OXNAD1: variants seen among roughly 807,000 people sequenced by gnomAD.
The protein encoded by OXNAD1 is oxidoreductase NAD binding domain containing 1, also known as oxidoreductase NAD-binding domain-containing protein 1.
In OXNAD1, 34 loss-of-function variants were observed where a neutral mutation model predicts 32.9. The ratio of observed to expected loss-of-function variants is 1.03; its 90% CI spans 0.79 to 1.38. The LOEUF (loss-of-function observed/expected upper bound fraction) is 1.38. Among genes scored for constraint, OXNAD1 ranks in the 40% most tolerant of loss-of-function variants. The pLI, the probability that OXNAD1 is intolerant of heterozygous loss-of-function variation, is 0.00. For synonymous variants in OXNAD1, 134 were observed against 135.2 expected, an observed-to-expected ratio of 0.99 and a Z score of 0.06; for missense variants, 407 against 379.4, an observed-to-expected ratio of 1.07 and a Z score of -0.60.
chr3:16,312,338 C>A lies in OXNAD1; in HGVS notation c.*30+8746C>A, dbSNP rs2068034176. Among the ~76,000 whole-genome samples the A allele has an allele frequency of 6.6e-6, 1 of 152,182 alleles. No homozygotes were observed. The highest frequency in any genetic ancestry group is 1.5e-5 in the Non-Finnish European group (1 of 68,040). On this transcript the variant is annotated intron_variant, in intron 9 of 9. Coordinates refer to the OXNAD1 transcript ENST00000435829. This position sits in a 1 kb window ranked among gnomAD's most constrained non-coding sequence, Gnocchi z 4.7. ...TTGGCGGGTCATAGTGCAGGCAGAG[C>A]ACTAATCACCAGGGGCCCACCCTGC... is the stretch of plus-strand genomic sequence containing the variant.
rs2066880049 is a variant in OXNAD1 at position 16,297,475 on chromosome 3, A to G, written c.432+2478A>G. On this transcript the variant is annotated intron_variant, in intron 6 of 8. Coordinates refer to ENST00000285083, the MANE Select transcript of OXNAD1 (RefSeq NM_138381.5). The surrounding 1 kb of genome is among the most constrained non-coding windows in gnomAD (Gnocchi z 4.3). ...ATAAAGTTAAACATACACCTAACAT[A>G]TGACCCAGCAATACCACTTCTGAGT... 6.6e-6 allele frequency among the ~76,000 whole-genome samples: 1 copy of G among 152,236 alleles called. No individual in the cohort carries two copies. Among genetic ancestry groups the G allele is most frequent in the African/African-American group, 2.4e-5 (1 of 41,472 alleles).
intron 5 of OXNAD1, among the ~76,000 whole-genome samples, chr3:16,292,822 A>G (rs1292549451): frequency 6.6e-6 from 1 of 152,214 alleles, no homozygotes; most frequent in Non-Finnish European, 1.5e-5. Flanking sequence ...GTCTAAAATC[A>G]ATTCACCATG....
chr3:16,268,001 A>AT (rs1299892729), intron 1 of OXNAD1, among the ~76,000 whole-genome samples: 1 of 152,150 alleles, frequency 6.6e-6, no homozygotes, highest in Non-Finnish European at 1.5e-5. Context: ...GTTAATTAAG[A>AT]TTTTTTGGTA....
rs2125160102 is a variant in OXNAD1, at chr3:16,317,873, C to T, written c.*30+14281C>T. On this transcript the variant is annotated intron_variant, in intron 9 of 9. Transcript: ENST00000435829. The surrounding 1 kb of genome is among the most constrained non-coding windows in gnomAD (Gnocchi z 4.3). ...GGATACAACAACCCATTTCCTGATC[C>T]CAATTTGGGATAACGCAAATGCCAT... Among the ~76,000 whole-genome samples the T allele has an allele frequency of 6.6e-6, 1 of 152,290 alleles. No homozygotes were observed. The highest frequency in any genetic ancestry group is 2.4e-5 in the African/African-American group (1 of 41,554).
At position 16,314,496 on chromosome 3, in the gene OXNAD1, C is replaced by G. The variant is rs1020186538; in HGVS notation, c.*30+10904C>G. On this transcript the variant is annotated intron_variant, in intron 9 of 9. Transcript: ENST00000435829. The surrounding 1 kb of genome is among the most constrained non-coding windows in gnomAD (Gnocchi z 4.4). The stretch of plus-strand genomic sequence containing the variant: ...CGCCACTCCCCAGATCATTCATTCA[C>G]AAGCTCTGCAGGCGAGCCCCGGCAT... The G allele has an allele frequency of 6.6e-6, 1 of 152,156 alleles. No homozygotes were observed. The highest frequency in any genetic ancestry group is 2.4e-5 in the African/African-American group (1 of 41,430). The allele number at this position is 152,156 out of a possible 1,614,324, so 9.4% of individuals were successfully genotyped here. A position where few individuals can be genotyped will look rare whatever the true frequency, so the allele number is the denominator to read the frequency against.
Position 16,275,035 on chromosome 3 carries a change from T to G in OXNAD1, c.183+3313T>G, listed in dbSNP as rs114622041. On this transcript the variant is annotated intron_variant, in intron 4 of 8. Transcript: ENST00000285083. ...CTGGAGAAAGCTTATAAAACAGTCA[T>G]AGCTTTAAAGCCTTTTTACTCTGTA... The G allele has an allele frequency of 4.5e-3, 696 of 153,020 alleles. 2 individuals are homozygous for G. The highest frequency in any genetic ancestry group is 0.018 in the South Asian group (86 of 4,850). The allele number at this position is 153,020 out of a possible 1,614,324, so 9.5% of individuals were successfully genotyped here.
At position 16,298,245 on chromosome 3, in the gene OXNAD1, G is replaced by C. The variant is rs2066936129; in HGVS notation, c.432+3248G>C. Among the ~76,000 whole-genome samples, 1 of 152,066 alleles carries C rather than the reference G, an allele frequency of 6.6e-6. No individual in the cohort carries two copies. The highest frequency in any genetic ancestry group is 6.6e-5 in the Admixed American group (1 of 15,264). The stretch of plus-strand genomic sequence containing the variant: ...TAGAGGTGCTAAAATATGCTGCTGG[G>C]GTGAGAGCAACGAGGTATCTGCATG... On this transcript the variant is annotated intron_variant, in intron 6 of 8. Transcript: ENST00000285083. The surrounding 1 kb of genome is among the most constrained non-coding windows in gnomAD (Gnocchi z 5.1).
intron 4 of OXNAD1, among the ~76,000 whole-genome samples, chr3:16,278,498 G>A (rs1364076888): frequency 9.9e-5 from 15 of 152,186 alleles, no homozygotes; most frequent in Non-Finnish European, 8.8e-5. Flanking sequence ...TTCCTCATTT[G>A]CCTGAAATAG....
chr3:16,310,847 G>A (rs192117377), downstream of OXNAD1, among the ~76,000 whole-genome samples: 19 of 152,042 alleles, frequency 1.2e-4, no homozygotes, highest in African/African-American at 4.3e-4. Flanking sequence ...AAAATTAGCC[G>A]GGCGTGGTGG....
rs1255088272 is a variant in OXNAD1 at position 16,345,948 on chromosome 3, C to T, written c.*31-3228C>T. The T allele has an allele frequency of 1.3e-5, 2 of 151,958 alleles. No homozygotes were observed. Among genetic ancestry groups the T allele is most frequent in the Admixed American group, 6.6e-5 (1 of 15,248 alleles). 9.4% of individuals were successfully genotyped at this position (151,958 alleles called of 1,614,324 possible). A position where few individuals can be genotyped will look rare whatever the true frequency, so the allele number is the denominator to read the frequency against. On this transcript the variant is annotated intron_variant, in intron 9 of 9. Transcript: ENST00000606098. The surrounding 1 kb of genome is among the most constrained non-coding windows in gnomAD (Gnocchi z 5.2). Reference sequence around the variant, plus strand: ...GTGGCATACACTGAATATTTTAAACCGCATTTGTCACAGGATTTTGAAAAC... The same window carrying T: ...GTGGCATACACTGAATATTTTAAACTGCATTTGTCACAGGATTTTGAAAAC...
At chr3:16,343,615 A>C (rs926222429) in intron 9 of OXNAD1, among the ~76,000 whole-genome samples, 1 of 152,266 alleles carries the variant, frequency 6.6e-6, no homozygotes, top group African/African-American at 2.4e-5. Flanking sequence ...TGAAGAAAAC[A>C]GGGAGAAGTC....
downstream of OXNAD1, among the ~76,000 whole-genome samples, chr3:16,307,908 TTGTTC>T (rs962271304): frequency 2.0e-5 from 3 of 146,680 alleles, no homozygotes; most frequent in Admixed American, 6.8e-5. Flanking sequence ...AAAGCACAGT[TTGTTC>T]TGTTTTTTTA....
chr3:16,286,513 A>G (rs1279206022), intron 5 of OXNAD1, 65 bp downstream of exon 5: 20 of 1,343,976 alleles, frequency 1.5e-5, no homozygotes, highest in Non-Finnish European at 2.1e-5. Flanking sequence ...AGAAGGTATT[A>G]TTTTTTCTCC....
rs955893786 is a variant in OXNAD1 at position 16,334,170 on chromosome 3, A to G, written c.*31-2942A>G. On this transcript the variant is annotated intron_variant, in intron 9 of 9. Coordinates refer to the OXNAD1 transcript ENST00000435829. The surrounding 1 kb of genome is among the most constrained non-coding windows in gnomAD (Gnocchi z 4.3). ...ACAGAGCAAGACTCTGTCTCAAAACAAAAACAAAAACAAAAAACAACAACA... is the reference window on the plus strand; with the variant it reads ...ACAGAGCAAGACTCTGTCTCAAAACGAAAACAAAAACAAAAAACAACAACA... Among the ~76,000 whole-genome samples the G allele has an allele frequency of 6.6e-6, 1 of 152,160 alleles. No individual in the cohort carries two copies. The highest frequency in any genetic ancestry group is 1.9e-4 in the East Asian group (1 of 5,198).
intron 9 of OXNAD1, among the ~76,000 whole-genome samples, chr3:16,313,233 A>G (rs1425433925): frequency 1.1e-5 from 1 of 88,208 alleles, no homozygotes; most frequent in Non-Finnish European, 2.2e-5. Context: ...TGCAGAGGCA[A>G]GTTCTTGCTA....
rs2070903406 is a variant in OXNAD1 at position 16,336,870 on chromosome 3, GTTA to G, written c.*31-235_*31-233del. 6.6e-6 allele frequency among the ~76,000 whole-genome samples: 1 copy of G among 152,090 alleles called. No homozygotes were observed. Among genetic ancestry groups the G allele is most frequent in the Non-Finnish European group, 1.5e-5 (1 of 68,030 alleles). On this transcript the variant is annotated intron_variant, in intron 9 of 9. Transcript: ENST00000435829. The surrounding 1 kb of genome is among the most constrained non-coding windows in gnomAD (Gnocchi z 6.0). ...CTCAACGAAATAAAAAATAATAATT[GTTA>G]TTATTACATGAAACATATTGTTTGG...
intron 9 of OXNAD1, among the ~76,000 whole-genome samples, chr3:16,331,966 CTAT>C (rs1305785582): frequency 6.6e-6 from 1 of 152,204 alleles, no homozygotes; most frequent in Non-Finnish European, 1.5e-5. Context: ...GTCAGCAATG[CTAT>C]TGAGATAATC....
In OXNAD1 at chr3:16,288,359, T is replaced by C. The variant is rs1020309979; in HGVS notation, c.290+1911T>C. ...AAGGAGAGGGTTGCTGTTGGGCTTA[T>C]CTTTGGGGTAAGAGATTGGGCCGTG... On this transcript the variant is annotated intron_variant, in intron 5 of 8. Coordinates refer to ENST00000285083, the MANE Select transcript of OXNAD1 (RefSeq NM_138381.5). The surrounding 1 kb of genome is among the most constrained non-coding windows in gnomAD (Gnocchi z 5.1). 6.6e-6 allele frequency among the ~76,000 whole-genome samples: 1 copy of C among 152,172 alleles called. No individual in the cohort carries two copies. Among genetic ancestry groups the C allele is most frequent in the Non-Finnish European group, 1.5e-5 (1 of 68,040 alleles).
Position 16,280,133 on chromosome 3 carries a change from A to G in OXNAD1, c.184-6209A>G, listed in dbSNP as rs1038478918. ...GTATGTAAAGTGCCTGACATATGGT[A>G]AGGATGTCTATAAGTGTTTGCTGCT... On this transcript the variant is annotated intron_variant, in intron 4 of 8. Coordinates refer to ENST00000285083, the MANE Select transcript of OXNAD1 (RefSeq NM_138381.5). This position sits in a 1 kb window ranked among gnomAD's most constrained non-coding sequence, Gnocchi z 4.5. Among the ~76,000 whole-genome samples, 15 of 152,184 alleles carry G rather than the reference A, an allele frequency of 9.9e-5. No homozygotes were observed. The highest frequency in any genetic ancestry group is 3.1e-4 in the African/African-American group (13 of 41,444).
Sources: allele counts gnomAD v4.1 joint callset (sites outside exome capture counted in the v4.1 genomes callset), GRCh38; gene constraint gnomAD v4.1.1; non-coding constraint Gnocchi (gnomAD v3.1); transcripts MANE v1.5; gene names NCBI Gene and HGNC (gene_info 2026-07-23, HGNC 2026-07-21).